The following KAZALD1 variants were observed in gnomAD, a reference collection of about 807,000 sequenced individuals.
KAZALD1 encodes the protein kazal-type serine protease inhibitor domain-containing protein 1.
Under a neutral mutation model 27.7 loss-of-function variants are expected in KAZALD1, and 31 were observed. The observed-to-expected ratio is 1.12, with a 90% CI of 0.84 to 1.51. The LOEUF is 1.51. KAZALD1 is among the 40% of genes most tolerant of loss of function. The pLI, the probability that KAZALD1 is intolerant of heterozygous loss-of-function variation, is 0.00. For missense variants in KAZALD1, 444 were observed against 408.9 expected (o/e 1.09, Z -0.74); for synonymous variants, 179 against 182.0 (o/e 0.98, Z 0.13).
chr10:101,062,306 C>T (rs1939177337), intron 1 of KAZALD1, among the ~76,000 whole-genome samples, 191 bp downstream of exon 1: 1 of 152,192 alleles, frequency 6.6e-6, no homozygotes, highest in Admixed American at 6.5e-5. Context: ...TGAGCCTTAT[C>T]ACCCTTTCCT....
chr10:101,066,490 C>A lies in KAZALD1; in HGVS notation c.*1570C>A, dbSNP rs557250557. 12 of 456,192 alleles carry A rather than the reference C, an allele frequency of 2.6e-5. No individual in the cohort carries two copies. The highest frequency in any genetic ancestry group is 1.9e-4 in the South Asian group (12 of 64,526). The allele number at this position is 456,192 out of a possible 1,614,324, so 28.3% of individuals were successfully genotyped here. On this transcript the variant is annotated 3_prime_UTR_variant, in exon 5 of 5. Coordinates refer to ENST00000370200, the MANE Select transcript of KAZALD1 (RefSeq NM_030929.5). ...GCCCTAGGAGCCGCGCACAACAGCG[C>A]AAGCGGGCTGGATACCGGGAGCCGA...
Position 101,064,645 on chromosome 10 carries a change from C to G in KAZALD1, c.817C>G (p.Pro273Ala), listed in dbSNP as rs959795126. 3 of 1,613,418 alleles carry G rather than the reference C, an allele frequency of 1.9e-6. No homozygotes were observed. The highest frequency in any genetic ancestry group is 2.7e-5 in the African/African-American group (2 of 74,910). ...CCCTGCTAGCTTGACAGTGCTCACA[C>G]CTGGTAAGGGGATTCCTGAGTTCTG... ...EAPASLTVLT[P>A]DQLNSTGIPQ... Residue 273 changes from proline to alanine, a missense_variant, in exon 4 of 5, where the codon CCT becomes GCT. Physicochemically the swap from Pro to Ala is conservative, Grantham distance 27. Coordinates refer to ENST00000370200, the MANE Select transcript of KAZALD1 (RefSeq NM_030929.5).
chr10:101,062,718 C>T lies in KAZALD1; in HGVS notation c.126C>T (p.Gly42=). 6.5e-7 allele frequency: 1 copy of T among 1,534,242 alleles called. No homozygotes were observed. Among genetic ancestry groups the T allele is most frequent in the Non-Finnish European group, 8.7e-7 (1 of 1,148,890 alleles). ...PSPGPDYLRR[G]WMRLLAEGEG... Reference sequence around the variant, plus strand: ...CAGGCCCAGATTACCTGCGGCGCGGCTGGATGCGGCTGCTAGCGGAGGGCG... The same window carrying T: ...CAGGCCCAGATTACCTGCGGCGCGGTTGGATGCGGCTGCTAGCGGAGGGCG... The change falls in exon 2 of 5, where the codon GGC becomes GGT. Residue 42 remains glycine (G), a synonymous_variant. Coordinates refer to ENST00000370200, the MANE Select transcript of KAZALD1 (RefSeq NM_030929.5).
intron 1 of KAZALD1, among the ~76,000 whole-genome samples, 175 bp downstream of exon 1, chr10:101,062,290 T>TGCGC (rs1305288169): frequency 6.6e-6 from 1 of 152,142 alleles, no homozygotes; most frequent in Non-Finnish European, 1.5e-5. Context: ...TGGGTGTGCG[T>TGCGC]GCGCCTGAGC....
chr10:101,062,451 A>T, intron 1 of KAZALD1, 91 bp from the exon 2 acceptor site: 1 of 1,269,678 alleles, frequency 7.9e-7, no homozygotes, highest in Non-Finnish European at 1.1e-6. Flanking sequence ...GGGCGATGCT[A>T]GTGTCATGCT....
rs1237695536 is a variant in KAZALD1, at chr10:101,062,695, G to A, written c.103G>A (p.Gly35Ser). 6.5e-7 allele frequency: 1 copy of A among 1,537,020 alleles called. No individual in the cohort carries two copies. The highest frequency in any genetic ancestry group is 8.7e-7 in the Non-Finnish European group (1 of 1,149,950). ...CCCGACCGGCGCAAGGCCATCCCCA[G>A]GCCCAGATTACCTGCGGCGCGGCTG... ...PPPTGARPSP[G>S]PDYLRRGWMR... Residue 35 changes from glycine (G) to serine (S), a missense_variant, in exon 2 of 5, where the codon GGC (glycine) becomes AGC (serine). Physicochemically the swap from Gly to Ser is moderately conservative, Grantham distance 56. Transcript: ENST00000370200.
chr10:101,062,752 G>C lies in KAZALD1; in HGVS notation c.160G>C (p.Ala54Pro), dbSNP rs1195400721. Residue 54 changes from alanine to proline, a missense_variant, in exon 2 of 5, where the codon GCT becomes CCT. Ala to Pro is a conservative substitution (Grantham distance 27). Transcript: ENST00000370200. ...GCTGCTAGCGGAGGGCGAGGGCTGC[G>C]CTCCCTGCCGGCCAGAAGAGTGCGC... The part of the protein sequence containing the change: ...MRLLAEGEGC[A>P]PCRPEECAAP... The C allele has an allele frequency of 2.6e-6, 4 of 1,546,046 alleles. No homozygotes were observed. The highest frequency in any genetic ancestry group is 3.5e-6 in the Non-Finnish European group (4 of 1,155,372).
At chr10:101,067,143 GGGAGGGAGGGGGAGGGAGGA>G, downstream of KAZALD1, 1 of 386,228 alleles carries the variant, frequency 2.6e-6, no homozygotes, top group Non-Finnish European at 5.3e-6. Context: ...GCAGGGGAGG[GGGAGGGAGGGGGAGGGAGGA>G]GGAGGGGGAG....
chr10:101,067,490 C>T (rs1939354609), downstream of KAZALD1: 2 of 364,460 alleles, frequency 5.5e-6, no homozygotes, highest in South Asian at 4.1e-5. Flanking sequence ...AGGTCTCGGC[C>T]GGGCTCTTCT....
rs934959788 is a variant in KAZALD1, at chr10:101,066,279, G to C, written c.*1359G>C. 2 of 410,700 alleles carry C rather than the reference G, an allele frequency of 4.9e-6. No individual in the cohort carries two copies. The highest frequency in any genetic ancestry group is 7.3e-5 in the East Asian group (1 of 13,744). 25.4% of individuals were successfully genotyped at this position (410,700 alleles called of 1,614,324 possible). A position where few individuals can be genotyped will look rare whatever the true frequency, so the allele number is the denominator to read the frequency against. On this transcript the variant is annotated 3_prime_UTR_variant, in exon 5 of 5. Transcript: ENST00000370200. The stretch of plus-strand genomic sequence containing the variant: ...GGCCTGCCCTTGGCTCAGCGTCAGA[G>C]TTTGTCCTCTGGGGCCCAACGCAGG...
downstream of KAZALD1, chr10:101,067,499 C>T (rs1267443927): frequency 5.5e-6 from 2 of 362,224 alleles, no homozygotes; most frequent in Non-Finnish European, 1.1e-5. Flanking sequence ...CCGGGCTCTT[C>T]TCCCTGCTTT....
At chr10:101,062,355 A>G (rs1169930417) in intron 1 of KAZALD1, among the ~76,000 whole-genome samples, 187 bp from the exon 2 acceptor site, 1 of 152,156 alleles carries the variant, frequency 6.6e-6, no homozygotes, top group African/African-American at 2.4e-5. Context: ...GAACAGCCCA[A>G]CTGATTGCTA....
In KAZALD1 at chr10:101,062,736, G is replaced by T; in HGVS notation, c.144G>T (p.Ala48=). The T allele has an allele frequency of 6.5e-7, 1 of 1,541,344 alleles. No individual in the cohort carries two copies. Among genetic ancestry groups the T allele is most frequent in the East Asian group, 2.5e-5 (1 of 40,222 alleles). The change falls in exon 2 of 5, where the codon GCG becomes GCT. Residue 48 remains alanine, a synonymous_variant. Coordinates refer to ENST00000370200, the MANE Select transcript of KAZALD1 (RefSeq NM_030929.5). ...GGCGCGGCTGGATGCGGCTGCTAGC[G>T]GAGGGCGAGGGCTGCGCTCCCTGCC... is the stretch of plus-strand genomic sequence containing the variant. ...YLRRGWMRLL[A]EGEGCAPCRP... is the part of the protein sequence containing the mutation.
intron 2 of KAZALD1, among the ~76,000 whole-genome samples, chr10:101,063,788 C>G (rs1173328917): frequency 6.6e-6 from 1 of 152,252 alleles, no homozygotes; most frequent in Non-Finnish European, 1.5e-5. Flanking sequence ...AGGTTCTCTG[C>G]CTTGCCGCAG....
rs1345220701 is a variant in KAZALD1, at chr10:101,062,851, G to A, written c.259G>A (p.Gly87Ser). The change falls in exon 2 of 5, where the codon GGC becomes AGC. Residue 87 changes from glycine to serine, a missense_variant. Gly to Ser is a moderately conservative substitution (Grantham distance 56). Coordinates refer to ENST00000370200, the MANE Select transcript of KAZALD1 (RefSeq NM_030929.5). ...GCCWECANLEGQLCDLDPSAH... is the reference protein window; with the variant it reads ...GCCWECANLESQLCDLDPSAH... Reference sequence around the variant, plus strand: ...CTGCTGGGAATGCGCCAACCTCGAGGGCCAGCTCTGCGACCTGGACCCCAG... The same window carrying A: ...CTGCTGGGAATGCGCCAACCTCGAGAGCCAGCTCTGCGACCTGGACCCCAG... 3 of 1,597,248 alleles carry A rather than the reference G, an allele frequency of 1.9e-6. No homozygotes were observed. The highest frequency in any genetic ancestry group is 2.5e-6 in the Non-Finnish European group (3 of 1,177,190).
At position 101,064,359 on chromosome 10, in the gene KAZALD1, G is replaced by C. The variant is rs780808613; in HGVS notation, c.610G>C (p.Glu204Gln). ...EVFAYPMASI[E>Q]WRKDGLDIQL... is the part of the protein sequence containing the mutation. ...GTTTGCCTACCCCATGGCCTCCATC[G>C]AGTGGAGGAAGGATGGCTTGGACAT... The change falls in exon 3 of 5, where the codon GAG becomes CAG. Residue 204 changes from glutamate to glutamine, a missense_variant. Transcript: ENST00000370200. The C allele has an allele frequency of 2.4e-5, 39 of 1,614,052 alleles. No individual in the cohort carries two copies. Among genetic ancestry groups the C allele is most frequent in the Non-Finnish European group, 3.1e-5 (36 of 1,180,008 alleles).
chr10:101,063,127 C>A (rs1043628044), intron 2 of KAZALD1, 24 bp downstream of exon 2: 2 of 1,508,496 alleles, frequency 1.3e-6, no homozygotes, highest in Non-Finnish European at 1.8e-6. Context: ...GGGGCCCCCA[C>A]CCCAGCACTT....
chr10:101,066,704 T>C lies in KAZALD1; in HGVS notation c.*1784T>C. 3 of 355,738 alleles carry C rather than the reference T, an allele frequency of 8.4e-6. No homozygotes were observed. Among genetic ancestry groups the C allele is most frequent in the South Asian group, 2.1e-5 (1 of 48,124 alleles). 22.0% of individuals were successfully genotyped at this position (355,738 alleles called of 1,614,324 possible). ...CTCCAAGACGCCCTCTGCGGGCCCA[T>C]AGCTCCTACCGCGTCCACCTGCAGA... is the stretch of plus-strand genomic sequence containing the variant. On this transcript the variant is annotated 3_prime_UTR_variant, in exon 5 of 5. Coordinates refer to ENST00000370200, the MANE Select transcript of KAZALD1 (RefSeq NM_030929.5).
rs1185377483 is a variant in KAZALD1 at position 101,065,210 on chromosome 10, G to T, written c.*290G>T. 2.5e-6 allele frequency: 1 copy of T among 395,468 alleles called. No homozygotes were observed. Among genetic ancestry groups the T allele is most frequent in the Non-Finnish European group, 4.7e-6 (1 of 214,678 alleles). 24.5% of individuals were successfully genotyped at this position (395,468 alleles called of 1,614,324 possible). ...TCCAACAGGTTGTTTCCCAGGCTGG[G>T]GTGGGGGCCTGAGCAGACACAGAGG... On this transcript the variant is annotated 3_prime_UTR_variant, in exon 5 of 5. Transcript: ENST00000370200.
Sources: gnomAD v4.1 joint callset for allele counts (sites outside exome capture counted in the v4.1 genomes callset) on GRCh38, gnomAD v4.1.1 for gene constraint, MANE v1.5 for transcripts, NCBI Gene and HGNC (gene_info 2026-07-23, HGNC 2026-07-21) for gene names.